The following ST8SIA2 variants were observed in gnomAD, a reference collection of about 807,000 sequenced individuals.
The protein encoded by ST8SIA2 is ST8 alpha-N-acetyl-neuraminide alpha-2,8-sialyltransferase 2, also known as alpha-2,8-sialyltransferase 8B.
In ST8SIA2, 22 loss-of-function variants were observed where a neutral mutation model predicts 37.6. The observed-to-expected ratio is 0.58, with a 90% CI of 0.42 to 0.83. The LOEUF is 0.83. Among genes scored for constraint, ST8SIA2 ranks in the 40% least tolerant of loss-of-function variants. The pLI is 0.00. For missense variants in ST8SIA2, 382 were observed against 484.7 expected, an observed-to-expected ratio of 0.79 and a Z score of 1.99; for synonymous variants, 205 against 201.2, an observed-to-expected ratio of 1.02 and a Z score of -0.16.
chr15:92,394,139 C>A lies in ST8SIA2; in HGVS notation c.75C>A (p.Ile25=). The change falls in exon 1 of 6, where the codon ATC becomes ATA. Residue 25 remains isoleucine, a synonymous_variant. Transcript: ENST00000268164. ...TGGTCTTCCTCATCTTCGCAGACAT[C>A]TCAGAGATCGAAGAAGAAATCGGGT... ...LLVVFLIFAD[I]SEIEEEIGNS... The A allele has an allele frequency of 6.4e-7, 1 of 1,559,172 alleles. No individual in the cohort carries two copies. The highest frequency in any genetic ancestry group is 1.2e-5 in the South Asian group (1 of 84,640).
At chr15:92,408,672 ATTT>A (rs568463772) in intron 1 of ST8SIA2, among the ~76,000 whole-genome samples, 1 of 144,276 alleles carries the variant, frequency 6.9e-6, no homozygotes, top group Non-Finnish European at 1.5e-5. Flanking sequence ...ACTGAGTTCC[ATTT>A]TTTTTATTTA....
chr15:92,427,769 A>G (rs2141826154), intron 1 of ST8SIA2, among the ~76,000 whole-genome samples: 1 of 152,324 alleles, frequency 6.6e-6, no homozygotes, highest in Admixed American at 6.5e-5. Context: ...AGATCACCTG[A>G]AGCCGAGAGT....
At chr15:92,409,102 C>T (rs1006967785) in intron 1 of ST8SIA2, among the ~76,000 whole-genome samples, 5 of 152,182 alleles carry the variant, frequency 3.3e-5, no homozygotes, top group Non-Finnish European at 7.3e-5. Flanking sequence ...TCCTAACAGG[C>T]GAATCCGCAG....
intron 3 of ST8SIA2, among the ~76,000 whole-genome samples, chr15:92,437,615 A>T (rs7166337): frequency 0.56 from 85,049 of 151,344 alleles, 24,633 homozygotes; most frequent in East Asian, 0.7. Flanking sequence ...GGGGACGTGC[A>T]CCAGCTTGCA....
intron 1 of ST8SIA2, among the ~76,000 whole-genome samples, chr15:92,408,330 C>T (rs1453893921): frequency 1.3e-5 from 2 of 152,098 alleles, no homozygotes; most frequent in Non-Finnish European, 2.9e-5. Flanking sequence ...CTCTCTCTGG[C>T]ACATCTCCCC....
chr15:92,454,061 C>G (rs2049901942), intron 5 of ST8SIA2, among the ~76,000 whole-genome samples: 1 of 152,178 alleles, frequency 6.6e-6, no homozygotes, highest in Admixed American at 6.5e-5. Context: ...AGAGGAAATC[C>G]CTGTCATACA....
chr15:92,407,414 C>T (rs888565417), intron 1 of ST8SIA2, among the ~76,000 whole-genome samples: 2 of 152,206 alleles, frequency 1.3e-5, no homozygotes, highest in Admixed American at 6.5e-5. Flanking sequence ...TGACCCGGTG[C>T]TGGAGCACTT....
intron 1 of ST8SIA2, among the ~76,000 whole-genome samples, chr15:92,405,927 G>A (rs150550054): frequency 2.5e-4 from 38 of 152,288 alleles, no homozygotes; most frequent in African/African-American, 8.9e-4. Context: ...AGAGTGATGG[G>A]GGAGAGAGGC....
chr15:92,408,331 A>T (rs1291215730), intron 1 of ST8SIA2, among the ~76,000 whole-genome samples: 1 of 151,746 alleles, frequency 6.6e-6, no homozygotes, highest in Non-Finnish European at 1.5e-5. Flanking sequence ...TCTCTCTGGC[A>T]CATCTCCCCA....
At chr15:92,429,167 G>C (rs2049696863) in intron 1 of ST8SIA2, among the ~76,000 whole-genome samples, 1 of 152,142 alleles carries the variant, frequency 6.6e-6, no homozygotes, top group South Asian at 2.1e-4. Context: ...TTTAAAAACT[G>C]AGAAAAGCAC....
rs1033932138 is a variant in ST8SIA2 at position 92,408,402 on chromosome 15, G to A, written c.98+14240G>A. ...TAGCTTGTAGCTCCTTGAAGGCTAG[G>A]ACCGTTTCAGATGTGTGCCCCGTTG... is the stretch of plus-strand genomic sequence containing the variant. On this transcript the variant is annotated intron_variant, in intron 1 of 5. Coordinates refer to ENST00000268164, the MANE Select transcript of ST8SIA2 (RefSeq NM_006011.4). 5.9e-5 allele frequency among the ~76,000 whole-genome samples: 9 copies of A among 152,270 alleles called. No individual in the cohort carries two copies. In the East Asian group the frequency reaches 7.7e-4, roughly 13 times the overall value.
chr15:92,445,220 C>T (rs780910653), intron 5 of ST8SIA2: 18 of 513,968 alleles, frequency 3.5e-5, no homozygotes, highest in East Asian at 7.0e-5. Context: ...TGGGAACAGA[C>T]GCCATGAACA....
chr15:92,430,112 G>T lies in ST8SIA2; in HGVS notation c.161+1G>T. 6.2e-7 allele frequency: 1 copy of T among 1,613,536 alleles called. No homozygotes were observed. The highest frequency in any genetic ancestry group is 8.5e-7 in the Non-Finnish European group (1 of 1,179,594). ...ACAGCTTACATAGCAAATCTAATAG[G>T]TTTGTAAATTAGATTTTGTGTTCAT... On this transcript the variant is annotated splice_donor_variant, in intron 2 of 5. Coordinates refer to ENST00000268164, the MANE Select transcript of ST8SIA2 (RefSeq NM_006011.4). LOFTEE classifies it high-confidence loss of function.
At chr15:92,420,735 C>T (rs573200685) in intron 1 of ST8SIA2, 1 of 152,138 alleles carries the variant, frequency 6.6e-6, no homozygotes, top group South Asian at 2.1e-4. Context: ...CCCATTGGCC[C>T]CTGCAACACC....
Position 92,438,523 on chromosome 15 carries a change from T to C in ST8SIA2, c.461T>C (p.Phe154Ser), listed in dbSNP as rs2049776861. ...ACTTCGCCACTGAAGAATAAGCACTTTGGGACTTGTGCCATCGTGGGCAAC... is the reference window on the plus strand; with the variant it reads ...ACTTCGCCACTGAAGAATAAGCACTCTGGGACTTGTGCCATCGTGGGCAAC... ...PRTSPLKNKH[F>S]GTCAIVGNSG... Residue 154 changes from phenylalanine (F) to serine (S), a missense_variant, in exon 4 of 6, where the codon TTT (phenylalanine) becomes TCT (serine). Coordinates refer to ENST00000268164, the MANE Select transcript of ST8SIA2 (RefSeq NM_006011.4). The C allele has an allele frequency of 6.2e-7, 1 of 1,613,988 alleles. No homozygotes were observed. Among genetic ancestry groups the C allele is most frequent in the Non-Finnish European group, 8.5e-7 (1 of 1,180,022 alleles).
At chr15:92,456,589 C>G (rs1015800085) in intron 5 of ST8SIA2, among the ~76,000 whole-genome samples, 4 of 152,110 alleles carry the variant, frequency 2.6e-5, no homozygotes, top group African/African-American at 9.7e-5. Flanking sequence ...CCAGGGAGGT[C>G]CAGGAGGCTT....
intron 1 of ST8SIA2, among the ~76,000 whole-genome samples, chr15:92,397,678 T>C (rs1206398916): frequency 6.6e-6 from 1 of 152,222 alleles, no homozygotes; most frequent in African/African-American, 2.4e-5. Flanking sequence ...CCTTTAATCT[T>C]GAGTGTAACT....
chr15:92,418,383 G>A (rs896816815), intron 1 of ST8SIA2, among the ~76,000 whole-genome samples: 1 of 150,556 alleles, frequency 6.6e-6, no homozygotes, highest in East Asian at 2.0e-4. Flanking sequence ...AATCAGCTGA[G>A]CCCGGGAAGT....
rs192880127 is a variant in ST8SIA2 at position 92,453,272 on chromosome 15, C to T, written c.842+8343C>T. Among the ~76,000 whole-genome samples the T allele has an allele frequency of 7.9e-5, 12 of 152,260 alleles. No homozygotes were observed. The East Asian group carries it at 1.5e-3, about 20-fold the overall frequency. On this transcript the variant is annotated intron_variant, in intron 5 of 5. Coordinates refer to ENST00000268164, the MANE Select transcript of ST8SIA2 (RefSeq NM_006011.4). The stretch of plus-strand genomic sequence containing the variant: ...TAGATTAATGTGGACCACAGAGAGA[C>T]CTCTCTGAACCAGCCACGGGGCTTG...
Sources: allele counts gnomAD v4.1 joint callset (sites outside exome capture counted in the v4.1 genomes callset), GRCh38; gene constraint gnomAD v4.1.1; transcripts MANE v1.5; gene names NCBI Gene and HGNC (gene_info 2026-07-23, HGNC 2026-07-21).